The following MTUS2 variants were observed in gnomAD, a reference collection of about 807,000 sequenced individuals.
MTUS2 encodes the protein microtubule associated scaffold protein 2.
In MTUS2, 40 loss-of-function variants were observed where a neutral mutation model predicts 114.1. The observed-to-expected ratio is 0.35, with a 90% CI of 0.27 to 0.46. MTUS2 has a LOEUF of 0.46. Ranked by LOEUF, MTUS2 falls within the 20% of genes least tolerant of loss-of-function variation. The pLI, the probability that MTUS2 is intolerant of heterozygous loss-of-function variation, is 1.00. For missense variants in MTUS2, 1,679 were observed against 1,705.4 expected (o/e 0.98, Z 0.27); for synonymous variants, 688 against 672.0 (o/e 1.02, Z -0.37).
rs186093676 is a variant in MTUS2, at chr13:29,428,888, G to A, written c.3118-11095G>A. ...GCCTTATAACTGCCTTCAGTGCCTGGACAAGACGGTACTTTGCCTTCCCTC... is the reference window on the plus strand; with the variant it reads ...GCCTTATAACTGCCTTCAGTGCCTGAACAAGACGGTACTTTGCCTTCCCTC... On this transcript the variant is annotated intron_variant, in intron 8 of 15. Transcript: ENST00000612955. 215 of 1,614,048 alleles carry A rather than the reference G, an allele frequency of 1.3e-4. 1 individual carries two copies. The African/African-American group carries it at 2.5e-3, about 19-fold the overall frequency.
chr13:29,299,787 A>T (rs1899112940), intron 6 of MTUS2, among the ~76,000 whole-genome samples: 1 of 152,158 alleles, frequency 6.6e-6, no homozygotes. Context: ...TGTAAATTTG[A>T]AAATATATGC....
chr13:28,955,263 G>T (rs1326023098), intron 2 of MTUS2, among the ~76,000 whole-genome samples: 1 of 152,154 alleles, frequency 6.6e-6, no homozygotes, highest in Non-Finnish European at 1.5e-5. Context: ...TTGCATTATG[G>T]TTAATGCACC....
chr13:28,985,347 T>C lies in MTUS2; in HGVS notation c.-242-39110T>C, dbSNP rs17072490. ...CAAAAATCCACCACAGTGTCATAGG[T>C]TCATTGTGATGACTAAATGGGATAC... On this transcript the variant is annotated intron_variant, in intron 2 of 15. Transcript: ENST00000612955. Among the ~76,000 whole-genome samples the C allele has an allele frequency of 2.8e-3, 424 of 152,310 alleles. 2 individuals carry two copies. Among genetic ancestry groups the C allele is most frequent in the Middle Eastern group, 0.01 (3 of 294 alleles).
chr13:29,253,079 C>A (rs202172852), intron 5 of MTUS2, among the ~76,000 whole-genome samples: 1 of 145,072 alleles, frequency 6.9e-6, no homozygotes, highest in Non-Finnish European at 1.5e-5. Flanking sequence ...CATTTTTGGC[C>A]TTTTTTTTTT....
intron 2 of MTUS2, among the ~76,000 whole-genome samples, chr13:28,999,731 CTG>C (rs1218933463): frequency 1.3e-5 from 2 of 152,164 alleles, no homozygotes; most frequent in Non-Finnish European, 2.9e-5. Flanking sequence ...TTCCTCCTAA[CTG>C]TAACTTTGTA....
At chr13:28,922,411 C>T (rs1881093563) in intron 2 of MTUS2, among the ~76,000 whole-genome samples, 1 of 152,176 alleles carries the variant, frequency 6.6e-6, no homozygotes, top group African/African-American at 2.4e-5. Flanking sequence ...GAATTGCAGT[C>T]CTTGTCACCT....
chr13:29,278,030 TG>T (rs1898129922), intron 5 of MTUS2, among the ~76,000 whole-genome samples: 3 of 152,218 alleles, frequency 2.0e-5, no homozygotes, highest in Admixed American at 2.0e-4. Context: ...AATGGAAACT[TG>T]GCATATAACA....
intron 5 of MTUS2, among the ~76,000 whole-genome samples, chr13:29,177,641 G>A (rs966017602): frequency 6.6e-6 from 1 of 152,140 alleles, no homozygotes; most frequent in African/African-American, 2.4e-5. Flanking sequence ...TTTAGGGTGA[G>A]CAAAGTAGCA....
chr13:28,824,530 T>G (rs1159290350), intron 1 of MTUS2, among the ~76,000 whole-genome samples: 5 of 152,196 alleles, frequency 3.3e-5, no homozygotes, highest in African/African-American at 1.2e-4. Flanking sequence ...TCCTCCCTAC[T>G]TCCTTATTCT....
At chr13:29,379,064 C>T (rs1021337180) in intron 8 of MTUS2, among the ~76,000 whole-genome samples, 8 of 152,286 alleles carry the variant, frequency 5.3e-5, no homozygotes, top group Non-Finnish European at 8.8e-5. Flanking sequence ...TGAAGAAGGA[C>T]GTGTTTGCTT....
intron 2 of MTUS2, among the ~76,000 whole-genome samples, chr13:28,949,090 T>A (rs1004686580): frequency 2.1e-4 from 32 of 152,234 alleles, no homozygotes; most frequent in African/African-American, 7.7e-4. Flanking sequence ...TTTTTCCAAA[T>A]TAAGAAGAAA....
intron 6 of MTUS2, among the ~76,000 whole-genome samples, chr13:29,295,261 T>C (rs756213972): frequency 2.6e-5 from 4 of 152,202 alleles, no homozygotes; most frequent in Admixed American, 6.5e-5. Context: ...GTATCATTTC[T>C]ATGTGTTAGG....
chr13:29,353,113 G>T (rs1869437226), intron 7 of MTUS2, among the ~76,000 whole-genome samples: 1 of 152,126 alleles, frequency 6.6e-6, no homozygotes, highest in Non-Finnish European at 1.5e-5. Flanking sequence ...CATGCCAGGG[G>T]ATATTTTTTA....
In MTUS2 at chr13:29,389,390, T is replaced by C. The variant is rs1231210232; in HGVS notation, c.3117+29917T>C. ...ACGTGTGTGTATATATGTATACACG[T>C]GTGTGTATATATGTATACACGTGTG... On this transcript the variant is annotated intron_variant, in intron 8 of 15. Coordinates refer to ENST00000612955, the MANE Select transcript of MTUS2 (RefSeq NM_001033602.4). Among the ~76,000 whole-genome samples the C allele has an allele frequency of 3.3e-4, 4 of 12,044 alleles. 1 individual carries two copies. The highest frequency in any genetic ancestry group is 4.3e-4 in the African/African-American group (4 of 9,390). 7.9% of individuals were successfully genotyped at this position (12,044 alleles called of 152,430 possible). A position where few individuals can be genotyped will look rare whatever the true frequency, so the allele number is the denominator to read the frequency against.
chr13:28,850,151 T>TG (rs35155956), intron 2 of MTUS2, among the ~76,000 whole-genome samples: 116,057 of 152,046 alleles, frequency 0.76, 45,027 homozygotes, highest in Non-Finnish European at 0.82. Context: ...TGGTATAAGG[T>TG]CCTTTGAAGG....
chr13:29,072,347 A>C (rs1314399416), intron 4 of MTUS2, among the ~76,000 whole-genome samples: 3 of 152,138 alleles, frequency 2.0e-5, no homozygotes, highest in African/African-American at 7.2e-5. Context: ...ATTCTGTCTC[A>C]TCTTGTGCTG....
At chr13:29,338,220 G>A (rs1901183786) in intron 7 of MTUS2, among the ~76,000 whole-genome samples, 1 of 152,064 alleles carries the variant, frequency 6.6e-6, no homozygotes, top group South Asian at 2.1e-4. Context: ...ATTTTGAAGA[G>A]GTTATGTTCT....
At chr13:29,150,108 G>C (rs993716232) in intron 5 of MTUS2, among the ~76,000 whole-genome samples, 2 of 152,168 alleles carry the variant, frequency 1.3e-5, no homozygotes. Context: ...GCTTTGGACA[G>C]TGTGGCCATT....
chr13:29,357,414 G>A (rs1349468897), intron 7 of MTUS2, among the ~76,000 whole-genome samples: 2 of 152,168 alleles, frequency 1.3e-5, no homozygotes, highest in African/African-American at 4.8e-5. Flanking sequence ...GCCTTCTATT[G>A]TAACAGTGTC....
Sources: gnomAD v4.1 joint callset for allele counts (sites outside exome capture counted in the v4.1 genomes callset) on GRCh38, gnomAD v4.1.1 for gene constraint, MANE v1.5 for transcripts, NCBI Gene and HGNC (gene_info 2026-07-23, HGNC 2026-07-21) for gene names.